Variants in USH1C observed in about 807,000 individuals in gnomAD.
USH1C encodes the protein harmonin.
In USH1C, 90 loss-of-function variants were observed where a neutral mutation model predicts 119.3. The ratio of observed to expected loss-of-function variants is 0.75; its 90% CI spans 0.64 to 0.90. The LOEUF (loss-of-function observed/expected upper bound fraction) is 0.90, where lower values mean the gene tolerates loss of function less well. Ranked by LOEUF, USH1C falls within the 40% of genes least tolerant of loss-of-function variation. USH1C has a pLI of 0.00. For missense variants in USH1C, 1,165 were observed against 1,167.7 expected (o/e 1.00, Z 0.03); for synonymous variants, 465 against 443.3 (o/e 1.05, Z -0.62).
At chr11:17,542,231 G>C (rs189927059) in intron 1 of USH1C, among the ~76,000 whole-genome samples, 1 of 152,248 alleles carries the variant, frequency 6.6e-6, no homozygotes, top group Non-Finnish European at 1.5e-5. Context: ...TAAGGATTTA[G>C]ATCACAAACC....
intron 15 of USH1C, among the ~76,000 whole-genome samples, chr11:17,514,978 T>C (rs1433548369): frequency 1.3e-5 from 2 of 152,122 alleles, no homozygotes; most frequent in Non-Finnish European, 2.9e-5. Flanking sequence ...CATTTACATG[T>C]TATTAGTGCC....
intron 26 of USH1C, among the ~76,000 whole-genome samples, chr11:17,495,347 C>T (rs1478406206): frequency 1.3e-5 from 2 of 152,208 alleles, no homozygotes; most frequent in African/African-American, 4.8e-5. Context: ...GGGTCCCAAG[C>T]AAGTACTACA....
intron 1 of USH1C, among the ~76,000 whole-genome samples, chr11:17,534,976 C>G (rs1851175224): frequency 6.6e-6 from 1 of 151,976 alleles, no homozygotes; most frequent in South Asian, 2.1e-4. Flanking sequence ...CCTTTCGCAC[C>G]CACCACCTCT....
In USH1C at chr11:17,504,716, A is replaced by AT. The variant is rs1849579241; in HGVS notation, c.2134-20_2134-19insA. On this transcript the variant is annotated intron_variant, in intron 19 of 26. Transcript: ENST00000005226. ...CCTGTGGCTGCCAGAGGAAAAAAAA[A>AT]AAAGTTCCACATTGGATGTTACCAA... is the stretch of plus-strand genomic sequence containing the variant. The AT allele has an allele frequency of 7.4e-6, 12 of 1,613,692 alleles. No homozygotes were observed. The highest frequency in any genetic ancestry group is 1.0e-5 in the Non-Finnish European group (12 of 1,179,988).
At position 17,509,550 on chromosome 11, in the gene USH1C, G is replaced by C; in HGVS notation, c.1819C>G (p.Pro607Ala). The C allele has an allele frequency of 1.3e-6, 2 of 1,575,492 alleles. No homozygotes were observed. The highest frequency in any genetic ancestry group is 1.7e-6 in the Non-Finnish European group (2 of 1,150,482). ...QRTPPPIPIPPPPSVPTQDLT... is the reference protein window; with the variant it reads ...QRTPPPIPIPAPPSVPTQDLT... Reference sequence around the variant, plus strand: ...TCTTGGGTGGGAACGGATGGCGGGGGAGGGATGGGAATGGGGGGTGGAGTG... The same window carrying C: ...TCTTGGGTGGGAACGGATGGCGGGGCAGGGATGGGAATGGGGGGTGGAGTG... Residue 607 changes from proline (P) to alanine (A), a missense_variant, in exon 18 of 27, where the codon CCC (proline) becomes GCC (alanine). Transcript: ENST00000005226.
At position 17,500,907 on chromosome 11, in the gene USH1C, G is replaced by T. The variant is rs924141444; in HGVS notation, c.2380+144C>A. 1.9e-5 allele frequency: 14 copies of T among 728,850 alleles called. No individual in the cohort carries two copies. In the African/African-American group the frequency reaches 2.2e-4, roughly 12 times the overall value. 45.1% of individuals were successfully genotyped at this position (728,850 alleles called of 1,614,324 possible). On this transcript the variant is annotated intron_variant, in intron 23 of 26. Transcript: ENST00000005226. Reference sequence around the variant, plus strand: ...TCCCATGCCCCCAGGGATTGGACAGGCAGTCGGATGGATGGACCCGAGTGG... The same window carrying T: ...TCCCATGCCCCCAGGGATTGGACAGTCAGTCGGATGGATGGACCCGAGTGG...
intron 8 of USH1C, among the ~76,000 whole-genome samples, chr11:17,525,894 A>G (rs1181884842): frequency 1.3e-5 from 2 of 152,206 alleles, no homozygotes; most frequent in African/African-American, 4.8e-5. Flanking sequence ...AGGGGAAATC[A>G]GGCACCAAGA....
At chr11:17,506,986 T>C (rs1849674362) in intron 18 of USH1C, among the ~76,000 whole-genome samples, 1 of 152,230 alleles carries the variant, frequency 6.6e-6, no homozygotes. Flanking sequence ...CTAAATAGTA[T>C]GGTGAGAACA....
At chr11:17,494,542 C>A in intron 26 of USH1C, 166 bp from the exon 27 acceptor site, 1 of 719,674 alleles carries the variant, frequency 1.4e-6, no homozygotes, top group Non-Finnish European at 2.5e-6. Context: ...TACACACCAG[C>A]CACAGCCACA....
Position 17,523,430 on chromosome 11 carries a change from C to G in USH1C, c.808G>C (p.Asp270His). Residue 270 changes from aspartate (D) to histidine (H), a missense_variant, in exon 10 of 27, where the codon GAT becomes CAT. Coordinates refer to ENST00000005226, the MANE Select transcript of USH1C (RefSeq NM_153676.4). ...CCCCCACATCTCACCTCCTTGTGATCCAGGTTAGAGAAGTCGACGCCATTG... is the reference window on the plus strand; with the variant it reads ...CCCCCACATCTCACCTCCTTGTGATGCAGGTTAGAGAAGTCGACGCCATTG... The part of the protein sequence containing the change: ...EVNGVDFSNL[D>H]HKEAVNVLKS... 6.2e-7 allele frequency: 1 copy of G among 1,614,192 alleles called. No homozygotes were observed. The highest frequency in any genetic ancestry group is 8.5e-7 in the Non-Finnish European group (1 of 1,180,028).
intron 1 of USH1C, among the ~76,000 whole-genome samples, chr11:17,544,067 T>A (rs1851593212): frequency 6.6e-6 from 1 of 152,236 alleles, no homozygotes; most frequent in African/African-American, 2.4e-5. Context: ...CGTTTAGCAG[T>A]CCTTGAGCCG....
At chr11:17,520,827 T>G (rs1257269319) in intron 14 of USH1C, 43 bp downstream of exon 14, 5 of 1,613,206 alleles carry the variant, frequency 3.1e-6, no homozygotes, top group South Asian at 1.1e-5. Context: ...CCAGCATTTC[T>G]GACTAGTTCC....
In USH1C at chr11:17,493,935, T is replaced by A. The variant is rs972510103; in HGVS notation, c.*397A>T. The A allele has an allele frequency of 6.9e-6, 2 of 291,766 alleles. No individual in the cohort carries two copies. The highest frequency in any genetic ancestry group is 1.1e-3 in the Middle Eastern group (1 of 870). 18.1% of individuals were successfully genotyped at this position (291,766 alleles called of 1,614,324 possible). ...ATCTATTTTATTAATGAGCTCAGAG[T>A]AAGGTTTGGAGTGACAATCCTGGCA... On this transcript the variant is annotated 3_prime_UTR_variant, in exon 27 of 27. Transcript: ENST00000005226.
In USH1C at chr11:17,523,398, G is replaced by A. The variant is rs374468973; in HGVS notation, c.819+21C>T. ...GTGTGGAGATGACAAGGGCCAACAG[G>A]TGAAGACCCCCACATCTCACCTCCT... On this transcript the variant is annotated intron_variant, in intron 10 of 26. Transcript: ENST00000005226. The A allele has an allele frequency of 5.6e-6, 9 of 1,614,064 alleles. No individual in the cohort carries two copies. In the African/African-American group the frequency reaches 8.0e-5, roughly 14 times the overall value.
chr11:17,523,355 G>T, intron 10 of USH1C, 64 bp downstream of exon 10: 1 of 1,612,666 alleles, frequency 6.2e-7, no homozygotes, highest in Non-Finnish European at 8.5e-7. Flanking sequence ...CTCCAGGGTG[G>T]TGGGGATGAG....
At chr11:17,538,835 C>T (rs2133950997) in intron 1 of USH1C, among the ~76,000 whole-genome samples, 1 of 152,284 alleles carries the variant, frequency 6.6e-6, no homozygotes, top group South Asian at 2.1e-4. Flanking sequence ...AGGCAGGTTC[C>T]TCCACCCAAG....
intron 7 of USH1C, 71 bp from the exon 8 acceptor site, chr11:17,526,512 T>A: frequency 7.2e-7 from 1 of 1,398,102 alleles, no homozygotes; most frequent in Admixed American, 1.8e-5. Flanking sequence ...GCTTGTGGGA[T>A]CTGCAGGGCG....
Position 17,493,956 on chromosome 11 carries a change from T to C in USH1C, c.*376A>G, listed in dbSNP as rs886048057. On this transcript the variant is annotated 3_prime_UTR_variant, in exon 27 of 27. Coordinates refer to ENST00000005226, the MANE Select transcript of USH1C (RefSeq NM_153676.4). The stretch of plus-strand genomic sequence containing the variant: ...AGAGTAAGGTTTGGAGTGACAATCC[T>C]GGCAGCAATTAGAGCAGAGGGCAGA... 6.3e-6 allele frequency: 2 copies of C among 319,816 alleles called. No homozygotes were observed. Among genetic ancestry groups the C allele is most frequent in the Admixed American group, 8.0e-5 (2 of 25,048 alleles). 19.8% of individuals were successfully genotyped at this position (319,816 alleles called of 1,614,324 possible).
At chr11:17,538,545 CTT>C (rs1377918694) in intron 1 of USH1C, among the ~76,000 whole-genome samples, 2 of 152,200 alleles carry the variant, frequency 1.3e-5, no homozygotes, top group Non-Finnish European at 2.9e-5. Flanking sequence ...GATGAAGTCT[CTT>C]TGGGCTGTTG....
Sources: gnomAD v4.1 joint callset for allele counts (sites outside exome capture counted in the v4.1 genomes callset) on GRCh38, gnomAD v4.1.1 for gene constraint, MANE v1.5 for transcripts, NCBI Gene and HGNC (gene_info 2026-07-23, HGNC 2026-07-21) for gene names.